The following LRMDA variants were observed in gnomAD, a reference collection of about 807,000 sequenced individuals.
The protein encoded by LRMDA is leucine rich melanocyte differentiation associated.
LRMDA carries 18 observed loss-of-function variants against 29.8 expected under a neutral mutation model. That is an observed-to-expected ratio of 0.60 (90% confidence interval 0.42 to 0.90). LRMDA has a LOEUF of 0.90. Among genes scored for constraint, LRMDA ranks in the 40% least tolerant of loss-of-function variants. The probability of loss-of-function intolerance (pLI) is 0.00; values close to 1 mark genes in which losing one functional copy is unlikely to be tolerated. For synonymous variants in LRMDA, 125 were observed against 109.4 expected, an observed-to-expected ratio of 1.14 and a Z score of -0.89; for missense variants, 273 against 273.9, an observed-to-expected ratio of 1.00 and a Z score of 0.02.
chr10:76,228,608 T>C (rs1852004875), intron 5 of LRMDA, among the ~76,000 whole-genome samples: 1 of 151,980 alleles, frequency 6.6e-6, no homozygotes, highest in South Asian at 2.1e-4. Flanking sequence ...ATGCACTGAA[T>C]CAATTCAGGG....
intron 3 of LRMDA, among the ~76,000 whole-genome samples, chr10:76,036,984 T>G (rs917828722): frequency 3.9e-5 from 6 of 152,192 alleles, no homozygotes; most frequent in African/African-American, 1.4e-4. Flanking sequence ...AATAAATATT[T>G]GAGGGATGAA....
At position 75,715,603 on chromosome 10, in the gene LRMDA, C is replaced by T. The variant is rs965360988; in HGVS notation, c.131+277109C>T. ...TCTGAAACATGGTATTTAATAGAGA[C>T]GCACAGTATTTAGCCAAGTATATTT... On this transcript the variant is annotated intron_variant, in intron 2 of 6. Transcript: ENST00000611255. Among the ~76,000 whole-genome samples the T allele has an allele frequency of 2.1e-4, 32 of 152,174 alleles. 1 individual carries two copies. Among genetic ancestry groups the T allele is most frequent in the South Asian group, 6.2e-4 (3 of 4,818 alleles).
chr10:75,799,012 T>A (rs983141343), intron 2 of LRMDA, among the ~76,000 whole-genome samples: 1 of 152,214 alleles, frequency 6.6e-6, no homozygotes, highest in African/African-American at 2.4e-5. Flanking sequence ...ATTGTGCAAT[T>A]TTTGGATATA....
intron 6 of LRMDA, among the ~76,000 whole-genome samples, chr10:76,392,055 A>C (rs535044992): frequency 6.6e-6 from 1 of 152,316 alleles, no homozygotes; most frequent in East Asian, 1.9e-4. Flanking sequence ...TAGTTTTGAC[A>C]GAGCTAAATA....
At chr10:75,882,480 A>G (rs1282451768) in intron 2 of LRMDA, among the ~76,000 whole-genome samples, 1 of 152,204 alleles carries the variant, frequency 6.6e-6, no homozygotes, top group African/African-American at 2.4e-5. Context: ...AATTTTCTAC[A>G]GGTATCTCAA....
At chr10:76,033,516 T>C (rs1306045396) in intron 2 of LRMDA, among the ~76,000 whole-genome samples, 2 of 152,082 alleles carry the variant, frequency 1.3e-5, no homozygotes, top group Non-Finnish European at 2.9e-5. Context: ...GCTCTCCCCA[T>C]CTTCATGCTG....
intron 5 of LRMDA, among the ~76,000 whole-genome samples, chr10:76,148,527 T>A (rs973426269): frequency 3.9e-5 from 6 of 152,204 alleles, no homozygotes; most frequent in African/African-American, 1.2e-4. Flanking sequence ...TGCCATTTTT[T>A]AAGCCCATTG....
At chr10:76,126,081 C>T (rs961074726) in intron 5 of LRMDA, among the ~76,000 whole-genome samples, 1 of 152,130 alleles carries the variant, frequency 6.6e-6, no homozygotes, top group Non-Finnish European at 1.5e-5. Flanking sequence ...ACACACATGC[C>T]CTTGCAGGTT....
intron 6 of LRMDA, among the ~76,000 whole-genome samples, chr10:76,521,247 C>T (rs1843117490): frequency 1.3e-5 from 2 of 151,898 alleles, no homozygotes; most frequent in South Asian, 4.1e-4. Context: ...CATTCTCCTG[C>T]CTCAGCCTCC....
At chr10:75,788,472 C>T (rs1013973390) in intron 2 of LRMDA, among the ~76,000 whole-genome samples, 8 of 152,186 alleles carry the variant, frequency 5.3e-5, no homozygotes, top group Admixed American at 2.6e-4. Flanking sequence ...GCTAGTTGTC[C>T]GTCCCATTTT....
At chr10:76,440,600 C>T (rs1425395377) in intron 6 of LRMDA, among the ~76,000 whole-genome samples, 1 of 152,018 alleles carries the variant, frequency 6.6e-6, no homozygotes, top group African/African-American at 2.4e-5. Flanking sequence ...TTTCAGATCC[C>T]TTTCACTCTA....
intron 2 of LRMDA, among the ~76,000 whole-genome samples, chr10:75,496,547 C>T (rs1018244638): frequency 1.3e-5 from 2 of 152,038 alleles, no homozygotes; most frequent in African/African-American, 4.8e-5. Flanking sequence ...ATTTAATAAC[C>T]CTCATCTTTT....
intron 2 of LRMDA, among the ~76,000 whole-genome samples, chr10:75,488,944 T>C (rs186259204): frequency 5.0e-4 from 76 of 152,268 alleles, no homozygotes; most frequent in African/African-American, 1.7e-3. Flanking sequence ...CCAACTGAAA[T>C]TGGCAAACTG....
intron 5 of LRMDA, among the ~76,000 whole-genome samples, chr10:76,145,042 C>T (rs180914680): frequency 6.6e-6 from 1 of 152,070 alleles, no homozygotes. Flanking sequence ...GGGATGAAGC[C>T]CAGTTGATCA....
chr10:75,562,479 A>T (rs928254075), intron 2 of LRMDA, among the ~76,000 whole-genome samples: 6 of 151,954 alleles, frequency 3.9e-5, no homozygotes, highest in African/African-American at 1.5e-4. Flanking sequence ...TCTTGACTCT[A>T]TCCAATTTGC....
intron 6 of LRMDA, among the ~76,000 whole-genome samples, chr10:76,491,477 G>T (rs905776110): frequency 1.3e-5 from 2 of 151,470 alleles, no homozygotes; most frequent in African/African-American, 4.8e-5. Context: ...TTTTTCCTTT[G>T]GCACTTTAAA....
intron 5 of LRMDA, among the ~76,000 whole-genome samples, chr10:76,269,781 T>G (rs1193720595): frequency 1.3e-5 from 2 of 152,192 alleles, no homozygotes; most frequent in African/African-American, 4.8e-5. Context: ...CCCATGAGAT[T>G]GAGCCTTTTT....
chr10:76,268,806 A>G (rs1472694530), intron 5 of LRMDA, among the ~76,000 whole-genome samples: 2 of 152,036 alleles, frequency 1.3e-5, no homozygotes, highest in Non-Finnish European at 2.9e-5. Context: ...GTGTCAGTCA[A>G]TCTCTCTCTA....
At chr10:75,676,164 C>T (rs1415003910) in intron 2 of LRMDA, among the ~76,000 whole-genome samples, 1 of 152,190 alleles carries the variant, frequency 6.6e-6, no homozygotes, top group African/African-American at 2.4e-5. Context: ...TATACTTCTG[C>T]CCAGCAGCTA....
Sources: gnomAD v4.1 joint callset for allele counts (sites outside exome capture counted in the v4.1 genomes callset) on GRCh38, gnomAD v4.1.1 for gene constraint, MANE v1.5 for transcripts, NCBI Gene and HGNC (gene_info 2026-07-23, HGNC 2026-07-21) for gene names.